The following KCNMA1 variants were observed in gnomAD, a reference collection of about 807,000 sequenced individuals.
KCNMA1 encodes Calcium-activated potassium channel subunit alpha-1.
Under a neutral mutation model 140.0 loss-of-function variants are expected in KCNMA1, and 29 were observed. The ratio of observed to expected loss-of-function variants is 0.21; its 90% CI spans 0.15 to 0.28. The LOEUF (loss-of-function observed/expected upper bound fraction) is 0.28, where lower values mean the gene tolerates loss of function less well. KCNMA1 is among the 10% of genes least tolerant of loss of function. KCNMA1 has a pLI of 1.00. For synonymous variants in KCNMA1, 612 were observed against 611.9 expected (o/e 1.00, Z 0.00); for missense variants, 880 against 1,602.2 (o/e 0.55, Z 7.70).
chr10:77,109,214 C>T (rs950739505), intron 8 of KCNMA1, among the ~76,000 whole-genome samples: 1 of 152,018 alleles, frequency 6.6e-6, no homozygotes, highest in African/African-American at 2.4e-5. Flanking sequence ...AGGCACCTCA[C>T]GGATGCTGTA....
chr10:77,210,077 T>A (rs1050927290), intron 3 of KCNMA1, among the ~76,000 whole-genome samples: 8 of 152,142 alleles, frequency 5.3e-5, no homozygotes, highest in Non-Finnish European at 1.2e-4. Context: ...GCCAGCATCA[T>A]CTTTATACCA....
At position 77,096,566 on chromosome 10, in the gene KCNMA1, A is replaced by T. The variant is rs1412905808; in HGVS notation, c.1224-6056T>A. Among the ~76,000 whole-genome samples the T allele has an allele frequency of 2.0e-5, 3 of 152,226 alleles. No homozygotes were observed. In the South Asian group the frequency reaches 6.2e-4, roughly 32 times the overall value. On this transcript the variant is annotated intron_variant, in intron 9 of 27. Coordinates refer to ENST00000286628, the MANE Select transcript of KCNMA1 (RefSeq NM_001161352.2). ...TCTTTCTTTAGCAGAGCCTCGCTCT[A>T]GGAAGACAATGTAAAATGCACAGCT...
chr10:77,311,063 C>G (rs959762891), intron 2 of KCNMA1, among the ~76,000 whole-genome samples: 5 of 152,198 alleles, frequency 3.3e-5, no homozygotes, highest in Non-Finnish European at 5.9e-5. Flanking sequence ...GCTCTGGGGT[C>G]TGAAGACCAA....
intron 5 of KCNMA1, among the ~76,000 whole-genome samples, chr10:77,161,445 A>T (rs2154078908): frequency 6.6e-6 from 1 of 151,972 alleles, no homozygotes. Flanking sequence ...GGGTCTCACT[A>T]TGTTGCCCAA....
intron 2 of KCNMA1, among the ~76,000 whole-genome samples, chr10:77,320,157 G>C (rs1032706981): frequency 1.3e-5 from 2 of 152,102 alleles, no homozygotes; most frequent in African/African-American, 4.8e-5. Flanking sequence ...TACTCCATGA[G>C]ACTCATCAAC....
At chr10:76,879,852 G>A (rs1259746798) in intron 29 of KCNMA1, among the ~76,000 whole-genome samples, 2 of 152,168 alleles carry the variant, frequency 1.3e-5, no homozygotes, top group Admixed American at 1.3e-4. Context: ...AAAGTGTGAT[G>A]GTTATCATGT....
intron 1 of KCNMA1, among the ~76,000 whole-genome samples, chr10:77,406,860 A>T (rs2096487365): frequency 6.6e-6 from 1 of 152,122 alleles, no homozygotes; most frequent in African/African-American, 2.4e-5. Flanking sequence ...GACCTGGAAG[A>T]TAGCTCCCTG....
chr10:77,086,843 C>A (rs777783893), intron 10 of KCNMA1, among the ~76,000 whole-genome samples: 2 of 152,214 alleles, frequency 1.3e-5, no homozygotes, highest in Admixed American at 6.5e-5. Context: ...GACCTCAGGA[C>A]AAATGTCTTC....
chr10:77,171,380 CGTGTGCGTGTGTGT>C (rs1418622309), intron 5 of KCNMA1, among the ~76,000 whole-genome samples: 307 of 135,932 alleles, frequency 2.3e-3, no homozygotes, highest in African/African-American at 4.5e-3. Flanking sequence ...TCGGAAAGTA[CGTGTGCGTGTGTGT>C]GTGTGCGTGT....
chr10:77,450,261 G>T (rs977499820), intron 1 of KCNMA1, among the ~76,000 whole-genome samples: 2 of 150,700 alleles, frequency 1.3e-5, no homozygotes, highest in Non-Finnish European at 3.0e-5. Context: ...TTGCCATGTT[G>T]GCCAGGTTGG....
At chr10:77,607,808 T>C (rs1603638357) in intron 1 of KCNMA1, among the ~76,000 whole-genome samples, 1 of 152,126 alleles carries the variant, frequency 6.6e-6, no homozygotes, top group African/African-American at 2.4e-5. Flanking sequence ...TGTAGGAGTA[T>C]ATTTGTGTTA....
chr10:77,595,732 C>G (rs975415695), intron 1 of KCNMA1, among the ~76,000 whole-genome samples: 2 of 152,326 alleles, frequency 1.3e-5, no homozygotes, highest in Admixed American at 6.5e-5. Context: ...GTGGCGCAAT[C>G]TTTGCCTCCC....
intron 18 of KCNMA1, among the ~76,000 whole-genome samples, chr10:77,006,710 G>A (rs1240174827): frequency 6.6e-6 from 1 of 152,232 alleles, no homozygotes. Context: ...GGCTGAGGAA[G>A]GCAGAAGTAT....
intron 3 of KCNMA1, among the ~76,000 whole-genome samples, chr10:77,234,497 C>T (rs1486835462): frequency 3.3e-5 from 5 of 152,258 alleles, no homozygotes; most frequent in East Asian, 3.9e-4. Context: ...GAGTTAATTA[C>T]GGAATCAGCA....
chr10:76,913,818 C>T (rs1334089363), intron 24 of KCNMA1: 23 of 460,072 alleles, frequency 5.0e-5, no homozygotes, highest in Non-Finnish European at 6.5e-5. Context: ...GAAACAACTG[C>T]CAGGTCAGAT....
At chr10:77,388,252 C>T (rs536037155) in intron 2 of KCNMA1, among the ~76,000 whole-genome samples, 1 of 152,356 alleles carries the variant, frequency 6.6e-6, no homozygotes, top group East Asian at 1.9e-4. Flanking sequence ...TTCAACTCCA[C>T]ATCTGAAGCT....
chr10:77,225,074 C>T (rs2050884066), intron 3 of KCNMA1, among the ~76,000 whole-genome samples: 3 of 152,124 alleles, frequency 2.0e-5, no homozygotes, highest in South Asian at 2.1e-4. Flanking sequence ...ATGAATAAAG[C>T]GAATCCAGTT....
intron 1 of KCNMA1, among the ~76,000 whole-genome samples, chr10:77,420,975 A>G (rs913125013): frequency 6.6e-6 from 1 of 152,208 alleles, no homozygotes; most frequent in African/African-American, 2.4e-5. Flanking sequence ...CAGTCACATC[A>G]TGCCTGTGCT....
intron 26 of KCNMA1, among the ~76,000 whole-genome samples, chr10:76,891,084 C>A (rs984480158): frequency 6.6e-6 from 1 of 152,216 alleles, no homozygotes; most frequent in East Asian, 1.9e-4. Flanking sequence ...GGTTGAGTAT[C>A]CCTAAGCTAC....
Sources: gnomAD v4.1 joint callset for allele counts (sites outside exome capture counted in the v4.1 genomes callset) on GRCh38, gnomAD v4.1.1 for gene constraint, MANE v1.5 for transcripts, NCBI Gene and HGNC (gene_info 2026-07-23, HGNC 2026-07-21) for gene names.